The following RAB38 variants were observed in gnomAD, a reference collection of about 807,000 sequenced individuals.
RAB38 encodes RAB38, member RAS oncogene family, also known as ras-related protein Rab-38.
RAB38 carries 15 observed loss-of-function variants against 18.4 expected under a neutral mutation model. That is an observed-to-expected ratio of 0.82 (90% confidence interval 0.55 to 1.26). The LOEUF (loss-of-function observed/expected upper bound fraction) is 1.26, where lower values mean the gene tolerates loss of function less well. Ranked by LOEUF, RAB38 falls within the 50% of genes most tolerant of loss-of-function variation. The pLI, the probability that RAB38 is intolerant of heterozygous loss-of-function variation, is 0.00. For synonymous variants in RAB38, 101 were observed against 104.4 expected, an observed-to-expected ratio of 0.97 and a Z score of 0.20; for missense variants, 294 against 267.4, an observed-to-expected ratio of 1.10 and a Z score of -0.69.
At chr11:88,160,184 C>T (rs1026595817) in intron 1 of RAB38, among the ~76,000 whole-genome samples, 2 of 151,918 alleles carry the variant, frequency 1.3e-5, no homozygotes, top group African/African-American at 2.4e-5. Flanking sequence ...AGACAGTTCT[C>T]AAAAGAAGAT....
At chr11:88,147,820 G>A (rs1015082460) in intron 2 of RAB38, among the ~76,000 whole-genome samples, 1 of 152,116 alleles carries the variant, frequency 6.6e-6, no homozygotes, top group African/African-American at 2.4e-5. Context: ...TTGAATCCGG[G>A]GGGTGGAGCT....
At chr11:87,901,129 A>G in the RAB38 span, among the ~76,000 whole-genome samples, 1 of 151,564 alleles carries the variant, frequency 6.6e-6, no homozygotes, top group Non-Finnish European at 1.5e-5. Context: ...AAGTGATGTT[A>G]AAATTATAGA....
the RAB38 span, among the ~76,000 whole-genome samples, chr11:88,106,799 G>A: frequency 1.3e-5 from 2 of 152,086 alleles, no homozygotes; most frequent in Non-Finnish European, 2.9e-5. Context: ...GATTTTTCAT[G>A]ATCTTTTCTT....
chr11:88,122,643 C>T (rs1168674588), intron 2 of RAB38, among the ~76,000 whole-genome samples: 4 of 152,208 alleles, frequency 2.6e-5, no homozygotes, highest in Non-Finnish European at 4.4e-5. Context: ...AAACTATTAA[C>T]TCTGTCTTAC....
Position 88,120,808 on chromosome 11 carries a change from G to A in RAB38, c.484-6668C>T, listed in dbSNP as rs145197701. ...ATACCTCCTAGGTCTCCCCGCTTACGTACCAAAAGTTCTCCCTCCCATCAC... is the reference window on the plus strand; with the variant it reads ...ATACCTCCTAGGTCTCCCCGCTTACATACCAAAAGTTCTCCCTCCCATCAC... On this transcript the variant is annotated intron_variant, in intron 2 of 2. Coordinates refer to ENST00000243662, the MANE Select transcript of RAB38 (RefSeq NM_022337.3). 3.8e-3 allele frequency among the ~76,000 whole-genome samples: 578 copies of A among 152,060 alleles called. 6 individuals carry two copies. The highest frequency in any genetic ancestry group is 0.013 in the African/African-American group (531 of 41,446).
the RAB38 span, among the ~76,000 whole-genome samples, chr11:88,103,989 G>C: frequency 6.6e-6 from 1 of 152,114 alleles, no homozygotes; most frequent in Non-Finnish European, 1.5e-5. Context: ...CCCCCAGTGA[G>C]TTTCAGTGAT....
the RAB38 span, among the ~76,000 whole-genome samples, chr11:87,836,361 C>A: frequency 6.6e-6 from 1 of 152,102 alleles, no homozygotes; most frequent in Non-Finnish European, 1.5e-5. Flanking sequence ...GTTCTATCTA[C>A]CTGATTTCTC....
the RAB38 span, among the ~76,000 whole-genome samples, chr11:87,881,876 A>T: frequency 6.6e-6 from 1 of 151,892 alleles, no homozygotes; most frequent in Admixed American, 6.6e-5. Flanking sequence ...GTCCATGCCA[A>T]GACCACTGAT....
At chr11:88,082,884 C>T in the RAB38 span, among the ~76,000 whole-genome samples, 1 of 151,852 alleles carries the variant, frequency 6.6e-6, no homozygotes, top group African/African-American at 2.4e-5. Context: ...TGTGCAAAAG[C>T]CTCCAATGGC....
chr11:87,937,332 ATATATATATATATATATATC>A, the RAB38 span, among the ~76,000 whole-genome samples: 1 of 92,262 alleles, frequency 1.1e-5, no homozygotes, highest in Admixed American at 1.0e-4. Context: ...ATATATATAT[ATATATATATATATATATATC>A]ATAATTCTAT....
the RAB38 span, among the ~76,000 whole-genome samples, chr11:88,033,163 T>G: frequency 9.4e-5 from 14 of 149,200 alleles, no homozygotes; most frequent in African/African-American, 3.5e-4. Flanking sequence ...CACTCATAGG[T>G]GGGAACTGAA....
the RAB38 span, among the ~76,000 whole-genome samples, chr11:88,012,378 A>G: frequency 2.0e-5 from 3 of 152,144 alleles, no homozygotes; most frequent in African/African-American, 7.2e-5. Flanking sequence ...AAGGGAAGAC[A>G]CTGGGACCAG....
At chr11:87,857,012 G>T in the RAB38 span, among the ~76,000 whole-genome samples, 49 of 148,186 alleles carry the variant, frequency 3.3e-4, no homozygotes, top group East Asian at 8.4e-3. Flanking sequence ...ATCCCTCCCC[G>T]CTCCCCCCAC....
chr11:87,813,062 C>G, the RAB38 span, among the ~76,000 whole-genome samples: 10 of 152,050 alleles, frequency 6.6e-5, no homozygotes, highest in Non-Finnish European at 1.5e-4. Context: ...GATTTTTTAC[C>G]ACTTCACATT....
At chr11:88,139,930 A>T (rs1355992288) in intron 2 of RAB38, among the ~76,000 whole-genome samples, 1 of 152,228 alleles carries the variant, frequency 6.6e-6, no homozygotes, top group Admixed American at 6.5e-5. Context: ...TTTGACAGCC[A>T]TTGCAGGTGG....
At chr11:88,084,415 G>A in the RAB38 span, among the ~76,000 whole-genome samples, 30,508 of 151,560 alleles carry the variant, frequency 0.2, 3,653 homozygotes, top group East Asian at 0.34. Context: ...AATAAAAAAA[G>A]GAGGGAGATA....
At chr11:88,009,181 T>G in the RAB38 span, among the ~76,000 whole-genome samples, 1 of 152,116 alleles carries the variant, frequency 6.6e-6, no homozygotes, top group African/African-American at 2.4e-5. Flanking sequence ...TGCCAAAGCT[T>G]GACAGAAATG....
At chr11:87,828,050 A>G in the RAB38 span, among the ~76,000 whole-genome samples, 1 of 152,194 alleles carries the variant, frequency 6.6e-6, no homozygotes, top group African/African-American at 2.4e-5. Flanking sequence ...ACAAATGTAT[A>G]TGGTAATATT....
chr11:88,028,111 G>T, the RAB38 span, among the ~76,000 whole-genome samples: 11 of 152,160 alleles, frequency 7.2e-5, no homozygotes, highest in Non-Finnish European at 1.5e-4. Flanking sequence ...TGATACCCAC[G>T]CAAACAGGGT....
Sources: gnomAD v4.1 joint callset for allele counts (sites outside exome capture counted in the v4.1 genomes callset) on GRCh38, gnomAD v4.1.1 for gene constraint, MANE v1.5 for transcripts, NCBI Gene and HGNC (gene_info 2026-07-23, HGNC 2026-07-21) for gene names.